Variants in SLC22A25 observed in about 807,000 individuals in gnomAD.
SLC22A25 encodes MGI:2442751, MGI:2385316, MGI:3042283, MGI:3645714, MGI:3605624, MGI:2442750.
In SLC22A25, 44 loss-of-function variants were observed where a neutral mutation model predicts 45.9. That is an observed-to-expected ratio of 0.96 (90% CI 0.75 to 1.23). The LOEUF is 1.23. Ranked by LOEUF, SLC22A25 falls within the 50% of genes most tolerant of loss-of-function variation. The pLI is 0.00. For synonymous variants in SLC22A25, 283 were observed against 238.6 expected (o/e 1.19, Z -1.72); for missense variants, 800 against 666.4 (o/e 1.20, Z -2.21).
chr11:63,165,956 C>T (rs897701308), intron 10 of SLC22A25, 88 bp downstream of exon 10: 1 of 1,460,630 alleles, frequency 6.8e-7, no homozygotes, highest in Non-Finnish European at 9.3e-7. Context: ...TCTCCCTTTC[C>T]TTCTGGCTTC....
intron 3 of SLC22A25, among the ~76,000 whole-genome samples, chr11:63,232,241 G>A (rs1460488993): frequency 5.3e-5 from 8 of 152,102 alleles, no homozygotes; most frequent in Admixed American, 2.0e-4. Flanking sequence ...CCATTTTCAC[G>A]ATATTGATTC....
chr11:63,223,074 G>A (rs117446237), intron 5 of SLC22A25, among the ~76,000 whole-genome samples: 2,691 of 151,954 alleles, frequency 0.018, 40 homozygotes, highest in Middle Eastern at 0.045. Flanking sequence ...CAGGCATATT[G>A]GCCTGTAGTT....
In SLC22A25 at chr11:63,194,588, G is replaced by T. The variant is rs573684134; in HGVS notation, c.831-10771C>A. On this transcript the variant is annotated intron_variant, in intron 7 of 11. Transcript: ENST00000306494. ...AGCACTAAACATGGAAAGGAACAAC[G>T]GGTATCAGCCACTGCAGAAACATGC... Among the ~76,000 whole-genome samples, 75 of 152,026 alleles carry T rather than the reference G, an allele frequency of 4.9e-4. No individual in the cohort carries two copies. In the Middle Eastern group the frequency reaches 0.01, roughly 21 times the overall value.
intron 5 of SLC22A25, among the ~76,000 whole-genome samples, chr11:63,223,387 G>T (rs1209529843): frequency 6.6e-6 from 1 of 151,858 alleles, no homozygotes; most frequent in Non-Finnish European, 1.5e-5. Context: ...CCCATTTCTT[G>T]TATATTTTCC....
rs60802120 is a variant in SLC22A25, at chr11:63,188,382, G to C, written c.831-4565C>G. Among the ~76,000 whole-genome samples, 1,254 of 152,068 alleles carry C rather than the reference G, an allele frequency of 8.2e-3. 22 individuals carry two copies. The highest frequency in any genetic ancestry group is 0.028 in the African/African-American group (1,155 of 41,486). On this transcript the variant is annotated intron_variant, in intron 7 of 11. Transcript: ENST00000306494. ...TGGTAGTTTGTATTTCTGTGGGATCGGTGGTGATATCCCCTTTGTCATTTT... is the reference window on the plus strand; with the variant it reads ...TGGTAGTTTGTATTTCTGTGGGATCCGTGGTGATATCCCCTTTGTCATTTT...
chr11:63,175,286 T>G (rs2088045531), intron 9 of SLC22A25, among the ~76,000 whole-genome samples: 1 of 152,124 alleles, frequency 6.6e-6, no homozygotes, highest in South Asian at 2.1e-4. Context: ...ATTTATTTAT[T>G]CAATTTATTT....
intron 7 of SLC22A25, among the ~76,000 whole-genome samples, chr11:63,189,385 T>G (rs142689147): frequency 0.022 from 3,304 of 152,252 alleles, 119 homozygotes; most frequent in African/African-American, 0.075. Flanking sequence ...TTTTTTTGTT[T>G]CCATTTGCTT....
At chr11:63,195,303 T>A (rs2134764278) in intron 7 of SLC22A25, among the ~76,000 whole-genome samples, 1 of 152,168 alleles carries the variant, frequency 6.6e-6, no homozygotes, top group Non-Finnish European at 1.5e-5. Flanking sequence ...GAATATACAT[T>A]CTTCTCAGCA....
chr11:63,234,067 A>T (rs1267156523), intron 3 of SLC22A25, among the ~76,000 whole-genome samples: 1 of 152,192 alleles, frequency 6.6e-6, no homozygotes, highest in East Asian at 1.9e-4. Context: ...TATGTGGTCA[A>T]CTTTTGGAAT....
chr11:63,186,988 C>T (rs565014212), intron 7 of SLC22A25, among the ~76,000 whole-genome samples: 152 of 152,050 alleles, frequency 1.0e-3, no homozygotes, highest in African/African-American at 3.3e-3. Context: ...TGGTGCCTCC[C>T]GCTTTGTTCT....
At chr11:63,187,526 A>G (rs1349886526) in intron 7 of SLC22A25, among the ~76,000 whole-genome samples, 1 of 152,114 alleles carries the variant, frequency 6.6e-6, no homozygotes, top group Non-Finnish European at 1.5e-5. Context: ...TCCTAATTGA[A>G]TACATTTATT....
chr11:63,235,261 C>T (rs1227283935), intron 3 of SLC22A25, among the ~76,000 whole-genome samples: 1 of 152,194 alleles, frequency 6.6e-6, no homozygotes, highest in Non-Finnish European at 1.5e-5. Context: ...TTCCATTCTC[C>T]CCGTCACTTT....
intron 7 of SLC22A25, among the ~76,000 whole-genome samples, chr11:63,185,719 T>G (rs1374643439): frequency 6.8e-5 from 7 of 103,428 alleles, no homozygotes; most frequent in African/African-American, 1.5e-4. Context: ...ACAGTCCCCA[T>G]AGTGTGATAT....
At chr11:63,190,873 A>G (rs2088782385) in intron 7 of SLC22A25, among the ~76,000 whole-genome samples, 1 of 152,124 alleles carries the variant, frequency 6.6e-6, no homozygotes. Context: ...ATATTGGTGA[A>G]CCGCAAATGT....
chr11:63,214,581 A>C (rs1391220302), intron 7 of SLC22A25, among the ~76,000 whole-genome samples: 8 of 152,158 alleles, frequency 5.3e-5, no homozygotes, highest in Non-Finnish European at 7.3e-5. Context: ...CTGTTTCTCT[A>C]GCTGTGCAGC....
chr11:63,205,430 G>A (rs1249124709), intron 7 of SLC22A25, among the ~76,000 whole-genome samples: 1 of 152,150 alleles, frequency 6.6e-6, no homozygotes, highest in East Asian at 1.9e-4. Flanking sequence ...GAAGAAAAGA[G>A]AGAAGAATCA....
In SLC22A25 at chr11:63,211,683, C is replaced by T. The variant is rs371318056; in HGVS notation, c.830+5631G>A. ...AAATTAATTCAAGATGGATTAAAGA[C>T]TTAAATCTTAGACCTAAAACCTTAA... is the stretch of plus-strand genomic sequence containing the variant. On this transcript the variant is annotated intron_variant, in intron 7 of 11. Coordinates refer to ENST00000306494, the MANE Select transcript of SLC22A25 (RefSeq NM_199352.6). Among the ~76,000 whole-genome samples the T allele has an allele frequency of 9.9e-5, 15 of 152,278 alleles. No homozygotes were observed. In the East Asian group the frequency reaches 2.5e-3, roughly 25 times the overall value.
intron 7 of SLC22A25, among the ~76,000 whole-genome samples, chr11:63,185,266 T>C (rs150198135): frequency 0.034 from 5,242 of 152,090 alleles, 304 homozygotes; most frequent in African/African-American, 0.12. Context: ...TAGTTATATC[T>C]CCTAATGCTA....
intron 7 of SLC22A25, among the ~76,000 whole-genome samples, chr11:63,189,739 A>T (rs922732833): frequency 2.0e-5 from 3 of 152,146 alleles, no homozygotes; most frequent in Non-Finnish European, 4.4e-5. Context: ...AGGCAGGCCT[A>T]ATGGTGACAA....
Sources: gnomAD v4.1 joint callset for allele counts (sites outside exome capture counted in the v4.1 genomes callset) on GRCh38, gnomAD v4.1.1 for gene constraint, MANE v1.5 for transcripts, NCBI Gene and HGNC (gene_info 2026-07-23, HGNC 2026-07-21) for gene names.